NRCAM: variants seen among roughly 807,000 people sequenced by gnomAD.
NRCAM encodes NgCAM-related cell adhesion molecule.
Under a neutral mutation model 156.5 loss-of-function variants are expected in NRCAM, and 83 were observed. The ratio of observed to expected loss-of-function variants is 0.53; its 90% confidence interval spans 0.44 to 0.64. The LOEUF (loss-of-function observed/expected upper bound fraction) is 0.64. Among genes scored for constraint, NRCAM ranks in the 30% least tolerant of loss-of-function variants. The pLI is 0.00. For missense variants in NRCAM, 1,417 were observed against 1,597.3 expected (o/e 0.89, Z 1.92); for synonymous variants, 538 against 563.9 (o/e 0.95, Z 0.65).
intron 1 of NRCAM, among the ~76,000 whole-genome samples, chr7:108,435,832 T>C (rs1017361135): frequency 6.6e-6 from 1 of 152,210 alleles, no homozygotes; most frequent in Non-Finnish European, 1.5e-5. Flanking sequence ...ACAGTAAATC[T>C]TAAAAGCAGC....
At chr7:108,311,417 T>C (rs548098696) in intron 3 of NRCAM, among the ~76,000 whole-genome samples, 13 of 152,338 alleles carry the variant, frequency 8.5e-5, no homozygotes, top group Middle Eastern at 3.4e-3. Context: ...ATAAAAACTA[T>C]ATAAAATAGG....
intron 2 of NRCAM, among the ~76,000 whole-genome samples, chr7:108,329,552 G>A (rs1464638856): frequency 1.3e-5 from 2 of 152,070 alleles, no homozygotes; most frequent in African/African-American, 4.8e-5. Flanking sequence ...TTTCAATTAC[G>A]GTTATTCACT....
At position 108,258,759 on chromosome 7, in the gene NRCAM, T is replaced by C. The variant is rs530492374; in HGVS notation, c.-106-18589A>G. ...TGGCAGGAGCTTAGTGGACCCTTAG[T>C]AAATGGTGACAAAAGCCTAACAAAC... On this transcript the variant is annotated intron_variant, in intron 3 of 32. Transcript: ENST00000379028. Among the ~76,000 whole-genome samples the C allele has an allele frequency of 8.5e-5, 13 of 152,310 alleles. 1 individual carries two copies. In the South Asian group the frequency reaches 2.3e-3, roughly 27 times the overall value.
chr7:108,288,458 A>G (rs1163420060), intron 3 of NRCAM, among the ~76,000 whole-genome samples: 1 of 152,150 alleles, frequency 6.6e-6, no homozygotes, highest in Non-Finnish European at 1.5e-5. Context: ...AATGTACATC[A>G]GTGTAGTATT....
At chr7:108,314,214 A>G (rs2098846506) in intron 2 of NRCAM, among the ~76,000 whole-genome samples, 1 of 152,196 alleles carries the variant, frequency 6.6e-6, no homozygotes, top group South Asian at 2.1e-4. Context: ...GACCACCAAA[A>G]GACTGTATTA....
chr7:108,257,784 T>A (rs766837138), intron 3 of NRCAM, among the ~76,000 whole-genome samples: 1 of 152,166 alleles, frequency 6.6e-6, no homozygotes, highest in East Asian at 1.9e-4. Flanking sequence ...ATAACCTTGA[T>A]TTCAAATCAA....
At chr7:108,447,458 G>A (rs982704710) in intron 1 of NRCAM, among the ~76,000 whole-genome samples, 2 of 151,756 alleles carry the variant, frequency 1.3e-5, no homozygotes, top group Non-Finnish European at 2.9e-5. Flanking sequence ...TTTTAGTAGA[G>A]AGGGGGTTTT....
intron 2 of NRCAM, among the ~76,000 whole-genome samples, chr7:108,350,694 ATC>A (rs59748691): frequency 0.25 from 38,599 of 152,012 alleles, 5,419 homozygotes; most frequent in Middle Eastern, 0.31. Context: ...TCAAATGCTC[ATC>A]TCAGAGTTTG....
intron 22 of NRCAM, 120 bp downstream of exon 22, chr7:108,184,121 T>A: frequency 1.8e-6 from 1 of 544,572 alleles, no homozygotes; most frequent in Non-Finnish European, 3.1e-6. Context: ...TTTATATATA[T>A]ATATATATTT....
intron 3 of NRCAM, among the ~76,000 whole-genome samples, chr7:108,241,105 G>A (rs994702629): frequency 2.6e-5 from 4 of 152,104 alleles, no homozygotes; most frequent in African/African-American, 7.2e-5. Context: ...CGAACTAGAA[G>A]TTATTTCACC....
rs78967336 is a variant in NRCAM, at chr7:108,219,978, G to A, written c.890+3747C>T. ...TAAAGACTTCTCCAGAAAGGCCCTA[G>A]AACTCATAAAAGAATTCAGCAAAGT... On this transcript the variant is annotated intron_variant, in intron 11 of 32. Coordinates refer to ENST00000379028, the MANE Select transcript of NRCAM (RefSeq NM_001037132.4). 2.3e-3 allele frequency among the ~76,000 whole-genome samples: 350 copies of A among 152,088 alleles called. 13 individuals are homozygous for A. The East Asian group carries it at 0.059, about 26-fold the overall frequency.
chr7:108,278,441 C>G (rs1302375572), intron 3 of NRCAM, among the ~76,000 whole-genome samples: 1 of 152,156 alleles, frequency 6.6e-6, no homozygotes, highest in Non-Finnish European at 1.5e-5. Flanking sequence ...GAGCACAGAA[C>G]CAGCTACTCA....
chr7:108,406,364 G>A (rs1455111474), intron 1 of NRCAM, among the ~76,000 whole-genome samples: 1 of 152,226 alleles, frequency 6.6e-6, no homozygotes, highest in South Asian at 2.1e-4. Context: ...AAGTTGGCAA[G>A]AGTAAACAGA....
intron 2 of NRCAM, among the ~76,000 whole-genome samples, chr7:108,359,895 G>T (rs1269529370): frequency 6.6e-6 from 1 of 152,060 alleles, no homozygotes; most frequent in Admixed American, 6.6e-5. Flanking sequence ...TGGCAACCGA[G>T]GTTCTGAATT....
Position 108,225,681 on chromosome 7 carries a change from T to C in NRCAM, c.742A>G (p.Ile248Val), listed in dbSNP as rs568492674. 5 of 1,593,564 alleles carry C rather than the reference T, an allele frequency of 3.1e-6. No homozygotes were observed. In the African/African-American group the frequency reaches 4.0e-5, roughly 13 times the overall value. Residue 248 changes from isoleucine to valine, a missense_variant, in exon 10 of 33, where the codon ATA becomes GTA. Ile to Val is a conservative substitution (Grantham distance 29, BLOSUM62 3). Transcript: ENST00000379028. ...TCAGTGTCACTCAAATTAGCAGCTA[T>C]AGTGTCATTCAATTCATCCACTGAA... ...VISVDELNDT[I>V]AANLSDTEFY...
In NRCAM at chr7:108,240,045, G is replaced by T; in HGVS notation, c.20C>A (p.Pro7Gln). Reference sequence around the variant, plus strand: ...GCCCGCAGATAAGCGCTTCTTTTTCGGCATTATTTTAAGCTGCATTAGCTT... The same window carrying T: ...GCCCGCAGATAAGCGCTTCTTTTTCTGCATTATTTTAAGCTGCATTAGCTT... MQLKIM[P>Q]KKKRLSAGRV... Residue 7 changes from proline (P) to glutamine (Q), a missense_variant, in exon 4 of 33, where the codon CCG becomes CAG. By Grantham distance (76) the Pro-to-Gln change is moderately conservative (BLOSUM62 -1). Coordinates refer to ENST00000379028, the MANE Select transcript of NRCAM (RefSeq NM_001037132.4). The T allele has an allele frequency of 6.2e-7, 1 of 1,612,688 alleles. No homozygotes were observed. The highest frequency in any genetic ancestry group is 8.5e-7 in the Non-Finnish European group (1 of 1,179,018).
chr7:108,233,725 A>C (rs2094581805), intron 6 of NRCAM, among the ~76,000 whole-genome samples: 3 of 152,184 alleles, frequency 2.0e-5, no homozygotes, highest in African/African-American at 7.2e-5. Context: ...TAATTTAATA[A>C]GGTCTGTAAT....
At chr7:108,257,985 C>G (rs1318896108) in intron 3 of NRCAM, among the ~76,000 whole-genome samples, 1 of 152,112 alleles carries the variant, frequency 6.6e-6, no homozygotes, top group Non-Finnish European at 1.5e-5. Flanking sequence ...AAAGTCAACG[C>G]TACTGACTTC....
chr7:108,245,037 G>A (rs935565172), intron 3 of NRCAM, among the ~76,000 whole-genome samples: 1 of 152,172 alleles, frequency 6.6e-6, no homozygotes, highest in Admixed American at 6.5e-5. Flanking sequence ...GCACAGCGAT[G>A]AGTCTCCTCC....
Sources: allele counts gnomAD v4.1 joint callset (sites outside exome capture counted in the v4.1 genomes callset), GRCh38; gene constraint gnomAD v4.1.1; transcripts MANE v1.5; gene names NCBI Gene and HGNC (gene_info 2026-07-23, HGNC 2026-07-21).